LHFPL2: variants seen among roughly 807,000 people sequenced by gnomAD.
LHFPL2 encodes the protein LHFPL tetraspan subfamily member 2 protein.
Under a neutral mutation model 17.5 loss-of-function variants are expected in LHFPL2, and 7 were observed. The observed-to-expected ratio is 0.40, with a 90% CI of 0.23 to 0.75. The LOEUF (loss-of-function observed/expected upper bound fraction) is 0.75, where lower values mean the gene tolerates loss of function less well. Ranked by LOEUF, LHFPL2 falls within the 30% of genes least tolerant of loss-of-function variation. LHFPL2 has a pLI of 0.37. For missense variants in LHFPL2, 241 were observed against 294.8 expected (o/e 0.82, Z 1.34); for synonymous variants, 134 against 116.2 (o/e 1.15, Z -0.99).
intron 4 of LHFPL2, among the ~76,000 whole-genome samples, chr5:78,494,760 C>T (rs1400152894): frequency 6.6e-6 from 1 of 152,240 alleles, no homozygotes; most frequent in Non-Finnish European, 1.5e-5. Flanking sequence ...GTTTTATCTA[C>T]CCGTGCAAGA....
chr5:78,493,580 T>G (rs531258132), intron 4 of LHFPL2, among the ~76,000 whole-genome samples: 1 of 152,364 alleles, frequency 6.6e-6, no homozygotes, highest in African/African-American at 2.4e-5. Context: ...AATAAAAATT[T>G]ACTGACAGTG....
chr5:78,512,153 C>G lies in LHFPL2; in HGVS notation c.-185-1755G>C, dbSNP rs2112327233. Among the ~76,000 whole-genome samples, 2 of 152,194 alleles carry G rather than the reference C, an allele frequency of 1.3e-5. 1 individual carries two copies. Among genetic ancestry groups the G allele is most frequent in the South Asian group, 4.2e-4 (2 of 4,814 alleles). ...AACATAGATGACACCGTTCAGACAA[C>G]TATTGATCCAACTGAGGTGCCCAGC... On this transcript the variant is annotated intron_variant, in intron 3 of 4. Coordinates refer to ENST00000380345, the MANE Select transcript of LHFPL2 (RefSeq NM_005779.3).
intron 2 of LHFPL2, among the ~76,000 whole-genome samples, chr5:78,574,074 C>T (rs1380419446): frequency 1.3e-5 from 2 of 152,148 alleles, no homozygotes; most frequent in Non-Finnish European, 2.9e-5. Flanking sequence ...AGCTCTTCTC[C>T]CAATTCCCAA....
At chr5:78,564,578 T>C (rs1756811777) in intron 3 of LHFPL2, among the ~76,000 whole-genome samples, 1 of 152,284 alleles carries the variant, frequency 6.6e-6, no homozygotes, top group African/African-American at 2.4e-5. Context: ...ATGTCAGAAT[T>C]GAAGTGTGGC....
At chr5:78,552,119 T>A (rs998826722) in intron 3 of LHFPL2, among the ~76,000 whole-genome samples, 2 of 151,328 alleles carry the variant, frequency 1.3e-5, no homozygotes, top group Admixed American at 6.6e-5. Context: ...TTAATCAATC[T>A]GCCTCATGTC....
chr5:78,583,765 A>G (rs1023480446), intron 2 of LHFPL2, among the ~76,000 whole-genome samples: 1 of 149,506 alleles, frequency 6.7e-6, no homozygotes, highest in Non-Finnish European at 1.5e-5. Context: ...TGTGTCTTGG[A>G]GTTGCTCTTC....
At chr5:78,622,745 T>C (rs1256335504) in intron 2 of LHFPL2, among the ~76,000 whole-genome samples, 1 of 152,208 alleles carries the variant, frequency 6.6e-6, no homozygotes, top group East Asian at 1.9e-4. Flanking sequence ...CCTTGTGTAT[T>C]TAATCATTAA....
At chr5:78,579,473 C>A (rs1216260343) in intron 2 of LHFPL2, among the ~76,000 whole-genome samples, 1 of 152,150 alleles carries the variant, frequency 6.6e-6, no homozygotes, top group Non-Finnish European at 1.5e-5. Context: ...GGTACATCTC[C>A]CAGTGCTAAC....
intron 3 of LHFPL2, among the ~76,000 whole-genome samples, chr5:78,558,720 T>C (rs534595511): frequency 1.3e-5 from 2 of 152,260 alleles, no homozygotes; most frequent in East Asian, 3.9e-4. Context: ...TGTGCAATAA[T>C]CCATCAGACA....
intron 4 of LHFPL2, chr5:78,494,679 A>G (rs953343333): frequency 5.1e-6 from 1 of 196,736 alleles, no homozygotes; most frequent in Non-Finnish European, 9.2e-6. Flanking sequence ...CCTCCCAATC[A>G]GCTGGGCACC....
chr5:78,532,716 T>C (rs1755822549), intron 3 of LHFPL2, among the ~76,000 whole-genome samples: 1 of 150,618 alleles, frequency 6.6e-6, no homozygotes, highest in Admixed American at 6.6e-5. Flanking sequence ...GGGGCTGTTC[T>C]AGAGAAATGC....
At chr5:78,613,175 T>C (rs1561365155) in intron 2 of LHFPL2, among the ~76,000 whole-genome samples, 1 of 152,248 alleles carries the variant, frequency 6.6e-6, no homozygotes, top group Non-Finnish European at 1.5e-5. Flanking sequence ...CCTTATCAGC[T>C]TTCTACCTCT....
chr5:78,612,828 G>T (rs554242232), intron 2 of LHFPL2, among the ~76,000 whole-genome samples: 1 of 152,348 alleles, frequency 6.6e-6, no homozygotes, highest in African/African-American at 2.4e-5. Context: ...CTTAAGGCTG[G>T]CACCAAATGA....
In LHFPL2 at chr5:78,575,722, T is replaced by G. The variant is rs1757113807; in HGVS notation, c.-244-10851A>C. Among the ~76,000 whole-genome samples the G allele has an allele frequency of 1.3e-5, 2 of 152,160 alleles. 1 individual carries two copies. Among genetic ancestry groups the G allele is most frequent in the African/African-American group, 4.8e-5 (2 of 41,440 alleles). On this transcript the variant is annotated intron_variant, in intron 2 of 4. Transcript: ENST00000380345. ...ATAGCTTAAGAGTTCTCTCCTTTAT[T>G]TTTCCCTGACCAGGAAAATAACACA... is the stretch of plus-strand genomic sequence containing the variant.
intron 4 of LHFPL2, among the ~76,000 whole-genome samples, chr5:78,500,384 T>C (rs1461595509): frequency 1.3e-5 from 2 of 152,180 alleles, no homozygotes; most frequent in African/African-American, 4.8e-5. Flanking sequence ...ACCCATGTCA[T>C]TGAGGGATCT....
intron 3 of LHFPL2, among the ~76,000 whole-genome samples, chr5:78,518,122 T>C (rs1195414016): frequency 6.6e-6 from 1 of 152,218 alleles, no homozygotes; most frequent in Non-Finnish European, 1.5e-5. Context: ...AAAACTTGAA[T>C]TTCAGGAGTT....
In LHFPL2 at chr5:78,529,385, C is replaced by T. The variant is rs376684784; in HGVS notation, c.-185-18987G>A. ...TGAAAAGGACTCTTACTGATGACCT[C>T]GCTTTACTGTCACAGTATTCCTGTG... On this transcript the variant is annotated intron_variant, in intron 3 of 4. Coordinates refer to ENST00000380345, the MANE Select transcript of LHFPL2 (RefSeq NM_005779.3). 1.9e-4 allele frequency among the ~76,000 whole-genome samples: 29 copies of T among 152,344 alleles called. 1 individual carries two copies. In the South Asian group the frequency reaches 5.0e-3, roughly 26 times the overall value.
chr5:78,577,802 C>CA (rs899647782), intron 2 of LHFPL2, among the ~76,000 whole-genome samples: 2 of 143,606 alleles, frequency 1.4e-5, no homozygotes, highest in African/African-American at 5.1e-5. Context: ...GTCCTTTGAG[C>CA]TTTTTTTTTT....
At position 78,578,372 on chromosome 5, in the gene LHFPL2, C is replaced by G. The variant is rs1048209597; in HGVS notation, c.-244-13501G>C. On this transcript the variant is annotated intron_variant, in intron 2 of 4. Transcript: ENST00000380345. ...GAGGAGGAGTGAGAACCACTTTTTG[C>G]CAGTTAAAGGATCTAAATGAGGCTG... Among the ~76,000 whole-genome samples, 3 of 152,064 alleles carry G rather than the reference C, an allele frequency of 2.0e-5. No individual in the cohort carries two copies. In the South Asian group the frequency reaches 6.2e-4, roughly 32 times the overall value.
Sources: allele counts gnomAD v4.1 joint callset (sites outside exome capture counted in the v4.1 genomes callset), GRCh38; gene constraint gnomAD v4.1.1; transcripts MANE v1.5; gene names NCBI Gene and HGNC (gene_info 2026-07-23, HGNC 2026-07-21).